The following PTPN2 variants were observed in gnomAD, a reference collection of about 807,000 sequenced individuals.
PTPN2 encodes the protein tyrosine-protein phosphatase non-receptor type 2.
PTPN2 carries 19 observed loss-of-function variants against 57.3 expected under a neutral mutation model. The ratio of observed to expected loss-of-function variants is 0.33; its 90% CI spans 0.23 to 0.49. The LOEUF (loss-of-function observed/expected upper bound fraction) is 0.49. PTPN2 is among the 20% of genes least tolerant of loss of function. The pLI is 0.99. For missense variants in PTPN2, 358 were observed against 501.1 expected (o/e 0.71, Z 2.73); for synonymous variants, 153 against 164.9 (o/e 0.93, Z 0.55).
At chr18:12,873,949 G>A (rs1220352236) in intron 1 of PTPN2, among the ~76,000 whole-genome samples, 1 of 149,780 alleles carries the variant, frequency 6.7e-6, no homozygotes, top group Non-Finnish European at 1.5e-5. Flanking sequence ...GACCCCGTCT[G>A]GGAGGTGAGG....
chr18:12,810,898 T>C (rs79887530), intron 7 of PTPN2, among the ~76,000 whole-genome samples: 2,134 of 152,280 alleles, frequency 0.014, 12 homozygotes, highest in Non-Finnish European at 0.021. Context: ...AACTACAATA[T>C]AATGGAACAC....
At chr18:12,819,357 A>T in intron 5 of PTPN2, 1 of 690,612 alleles carries the variant, frequency 1.4e-6, no homozygotes. Context: ...ATTTATTTTT[A>T]AATTAATTAT....
chr18:12,856,555 G>T (rs112005606), intron 2 of PTPN2, among the ~76,000 whole-genome samples: 7 of 152,218 alleles, frequency 4.6e-5, no homozygotes, highest in African/African-American at 1.7e-4. Context: ...CAATGAGAAG[G>T]CATACAGGAA....
At position 12,794,425 on chromosome 18, in the gene PTPN2, C is replaced by T. The variant is rs762876168; in HGVS notation, c.1101G>A (p.Gln367=). Residue 367 remains glutamine, a synonymous_variant, in exon 9 of 9, where the codon CAG becomes CAA. Coordinates refer to ENST00000309660, the MANE Select transcript of PTPN2 (RefSeq NM_002828.4). ...RKATTAQKVQ[Q]MKQRLNENER... ...CATTCTCATTTAGCCTCTGTTTCAT[C>T]TGCTGCACCTTCTGAGCTGTGGTGG... The T allele has an allele frequency of 1.9e-6, 3 of 1,614,146 alleles. No individual in the cohort carries two copies. The highest frequency in any genetic ancestry group is 2.2e-5 in the East Asian group (1 of 44,890).
rs1056361832 is a variant in PTPN2 at position 12,817,480 on chromosome 18, T to C, written c.496-115A>G. ...TTAAAGCCATATAGGCTGTTTATAC[T>C]ATGATTTTTCCATTTGTTTTCTGAC... On this transcript the variant is annotated intron_variant, in intron 5 of 8. Coordinates refer to ENST00000309660, the MANE Select transcript of PTPN2 (RefSeq NM_002828.4). 4.3e-5 allele frequency: 33 copies of C among 768,284 alleles called. No individual in the cohort carries two copies. The Admixed American group carries it at 9.3e-4, about 22-fold the overall frequency. 47.6% of individuals were successfully genotyped at this position (768,284 alleles called of 1,614,324 possible).
intron 2 of PTPN2, among the ~76,000 whole-genome samples, chr18:12,837,645 CTGCCGGA>C (rs1487187904): frequency 6.6e-6 from 1 of 152,206 alleles, no homozygotes; most frequent in East Asian, 1.9e-4. Context: ...CAACACACAA[CTGCCGGA>C]TGCATATCAC....
intron 1 of PTPN2, among the ~76,000 whole-genome samples, chr18:12,869,447 C>A (rs547871545): frequency 6.6e-6 from 1 of 152,374 alleles, no homozygotes; most frequent in Admixed American, 6.5e-5. Context: ...AGGCGTGAGC[C>A]ATGGCGCCTG....
intron 4 of PTPN2, among the ~76,000 whole-genome samples, chr18:12,830,519 A>G (rs767430308): frequency 1.8e-4 from 27 of 152,332 alleles, no homozygotes; most frequent in Non-Finnish European, 3.5e-4. Context: ...CTGGCATGTC[A>G]TTGCCACATC....
intron 8 of PTPN2, among the ~76,000 whole-genome samples, chr18:12,799,197 T>A (rs1332772850): frequency 6.6e-6 from 1 of 152,048 alleles, no homozygotes; most frequent in Non-Finnish European, 1.5e-5. Context: ...GGCGGGAGGA[T>A]CACAAGGTCA....
At chr18:12,854,435 G>A (rs899260445) in intron 2 of PTPN2, among the ~76,000 whole-genome samples, 1 of 152,062 alleles carries the variant, frequency 6.6e-6, no homozygotes, top group African/African-American at 2.4e-5. Flanking sequence ...TAGTGACGTG[G>A]GAAATGAATG....
chr18:12,863,946 A>G (rs2043904796), intron 1 of PTPN2: 3 of 152,232 alleles, frequency 2.0e-5, no homozygotes, highest in Admixed American at 2.0e-4. Context: ...GCACAAAGAT[A>G]TCTTTCACAG....
intron 2 of PTPN2, among the ~76,000 whole-genome samples, chr18:12,837,799 T>TA (rs753581674): frequency 6.6e-6 from 1 of 152,188 alleles, no homozygotes; most frequent in Non-Finnish European, 1.5e-5. Flanking sequence ...CTGTTTATAT[T>TA]ATCTCCATAT....
At chr18:12,835,764 T>C (rs922004363) in intron 3 of PTPN2, among the ~76,000 whole-genome samples, 3 of 152,204 alleles carry the variant, frequency 2.0e-5, no homozygotes, top group African/African-American at 7.2e-5. Context: ...ATTATACACT[T>C]TGAAATCTCT....
At chr18:12,807,568 G>GAAAAAAAAA (rs68088093) in intron 7 of PTPN2, among the ~76,000 whole-genome samples, 17 of 41,196 alleles carry the variant, frequency 4.1e-4, no homozygotes, top group East Asian at 1.2e-3. Context: ...AGAAAATGTG[G>GAAAAAAAAA]AAAAAAAAAA....
At chr18:12,827,353 A>AT (rs1307434853) in intron 4 of PTPN2, among the ~76,000 whole-genome samples, 69 of 143,046 alleles carry the variant, frequency 4.8e-4, no homozygotes, top group Admixed American at 3.7e-4. Flanking sequence ...AAAAAAAAAA[A>AT]AAAATAATAA....
In PTPN2 at chr18:12,796,306, C is replaced by A. The variant is rs576052480; in HGVS notation, c.1041-1821G>T. 4.6e-5 allele frequency among the ~76,000 whole-genome samples: 7 copies of A among 152,144 alleles called. No individual in the cohort carries two copies. The South Asian group carries it at 1.2e-3, about 27-fold the overall frequency. On this transcript the variant is annotated intron_variant, in intron 8 of 8. Transcript: ENST00000309660. ...ATGTTCTAAAATTAGATCGTGGTGC[C>A]AGCTACACAATTTGGTAAATATATT...
chr18:12,882,015 G>A (rs916121473), intron 1 of PTPN2, among the ~76,000 whole-genome samples: 3 of 152,170 alleles, frequency 2.0e-5, no homozygotes, highest in African/African-American at 4.8e-5. Context: ...CACCTCGAGG[G>A]TAGGAAACTT....
chr18:12,868,066 A>T (rs1397454232), intron 1 of PTPN2, among the ~76,000 whole-genome samples: 2 of 152,126 alleles, frequency 1.3e-5, no homozygotes, highest in Admixed American at 6.5e-5. Flanking sequence ...TTAAGTCTCA[A>T]ATATGTGGGA....
Position 12,836,827 on chromosome 18 carries a change from G to A in PTPN2, c.225C>T (p.Asp75=), listed in dbSNP as rs371300667. The A allele has an allele frequency of 5.6e-6, 9 of 1,610,146 alleles. No homozygotes were observed. In the African/African-American group the frequency reaches 1.2e-4, roughly 22 times the overall value. ...TGTAACTCCTTTGTGCCTCTTCTAT[G>A]TCAACTAAACTGGCATTAATATAAT... The part of the protein sequence containing the change: ...ENDYINASLV[D]IEEAQRSYIL... Residue 75 remains aspartate (D), a synonymous_variant, in exon 3 of 9, where the codon GAC becomes GAT. Transcript: ENST00000309660.
Sources: allele counts gnomAD v4.1 joint callset (sites outside exome capture counted in the v4.1 genomes callset), GRCh38; gene constraint gnomAD v4.1.1; transcripts MANE v1.5; gene names NCBI Gene and HGNC (gene_info 2026-07-23, HGNC 2026-07-21).